The following SLC39A14 variants were observed in gnomAD, a reference collection of about 807,000 sequenced individuals.
SLC39A14 encodes the protein metal cation symporter ZIP14.
In SLC39A14, 19 loss-of-function variants were observed where a neutral mutation model predicts 45.5. The observed-to-expected ratio is 0.42, with a 90% confidence interval of 0.29 to 0.61. SLC39A14 has a LOEUF of 0.61. SLC39A14 is among the 20% of genes least tolerant of loss of function. SLC39A14 has a pLI of 0.22. For missense variants in SLC39A14, 447 were observed against 616.5 expected, an observed-to-expected ratio of 0.73 and a Z score of 2.91; for synonymous variants, 264 against 251.3, an observed-to-expected ratio of 1.05 and a Z score of -0.48.
At position 22,421,882 on chromosome 8, in the gene SLC39A14, C is replaced by T. The variant is rs1836247477; in HGVS notation, c.*2184C>T. The T allele has an allele frequency of 6.1e-6, 6 of 985,182 alleles. No homozygotes were observed. The highest frequency in any genetic ancestry group is 7.2e-6 in the Non-Finnish European group (6 of 829,860). The allele number at this position is 985,182 out of a possible 1,614,324, so 61.0% of individuals were successfully genotyped here. On this transcript the variant is annotated 3_prime_UTR_variant, in exon 9 of 9. Coordinates refer to ENST00000381237, the MANE Select transcript of SLC39A14 (RefSeq NM_001128431.4). ...GGGTGTTTTCCCTTTTTGTGCACAC[C>T]TATATTACCTTAAGAAATTTCCTTC...
intron 3 of SLC39A14, among the ~76,000 whole-genome samples, chr8:22,410,443 G>A (rs1366673037): frequency 6.6e-6 from 1 of 152,116 alleles, no homozygotes; most frequent in Non-Finnish European, 1.5e-5. Context: ...CATGCCTTTG[G>A]TGCTAAGTAC....
intron 1 of SLC39A14, among the ~76,000 whole-genome samples, chr8:22,400,906 T>C (rs1834816075): frequency 6.6e-6 from 1 of 152,266 alleles, no homozygotes; most frequent in African/African-American, 2.4e-5. Context: ...TTATAAGTCT[T>C]ATAATTATTA....
At chr8:22,430,074 G>T (rs2132402232) in intron 8 of SLC39A14, among the ~76,000 whole-genome samples, 1 of 152,230 alleles carries the variant, frequency 6.6e-6, no homozygotes, top group East Asian at 1.9e-4. Flanking sequence ...CATGAGGGAA[G>T]AAGGTTGGTG....
downstream of SLC39A14, among the ~76,000 whole-genome samples, chr8:22,425,883 G>GTTTTTT (rs72023394): frequency 0.29 from 39,504 of 137,826 alleles, 6,463 homozygotes; most frequent in East Asian, 0.54. Flanking sequence ...GCTCTAGATG[G>GTTTTTT]TTTTTGTTTT....
intron 1 of SLC39A14, among the ~76,000 whole-genome samples, chr8:22,389,147 A>T (rs994288018): frequency 6.6e-6 from 1 of 152,126 alleles, no homozygotes; most frequent in Non-Finnish European, 1.5e-5. Context: ...TAGCCCTCCG[A>T]CTTCAGTGTG....
chr8:22,407,391 C>T (rs1163243492), intron 2 of SLC39A14, among the ~76,000 whole-genome samples: 3 of 152,134 alleles, frequency 2.0e-5, no homozygotes, highest in Admixed American at 6.6e-5. Context: ...GATGGAGTCT[C>T]GTTCTGTTGC....
At chr8:22,401,637 T>C (rs1269711371) in intron 1 of SLC39A14, among the ~76,000 whole-genome samples, 7 of 135,892 alleles carry the variant, frequency 5.2e-5, no homozygotes, top group African/African-American at 1.9e-4. Flanking sequence ...AAGCTCCACC[T>C]CCTGGGTTCA....
Position 22,367,324 on chromosome 8 carries a change from A to G in SLC39A14, c.-100A>G, listed in dbSNP as rs1832689573. On this transcript the variant is annotated 5_prime_UTR_variant, in exon 1 of 9. Transcript: ENST00000381237. The surrounding 1 kb of genome is among the most constrained non-coding windows in gnomAD (Gnocchi z 4.2). ...TCGGCGCGCGTGTCTACGCGGACGCACCGGCTAAGCTGCTTCTGCCGCCGC... is the reference window on the plus strand; with the variant it reads ...TCGGCGCGCGTGTCTACGCGGACGCGCCGGCTAAGCTGCTTCTGCCGCCGC... 6.6e-6 allele frequency: 1 copy of G among 151,854 alleles called. No individual in the cohort carries two copies. The highest frequency in any genetic ancestry group is 3.4e-3 in the Middle Eastern group (1 of 294). The allele number at this position is 151,854 out of a possible 1,614,324, so 9.4% of individuals were successfully genotyped here.
In SLC39A14 at chr8:22,416,063, T is replaced by C. The variant is rs1384148606; in HGVS notation, c.940-10T>C. On this transcript the variant is annotated splice_polypyrimidine_tract_variant and intron_variant, in intron 6 of 8. Coordinates refer to ENST00000381237, the MANE Select transcript of SLC39A14 (RefSeq NM_001128431.4). The stretch of plus-strand genomic sequence containing the variant: ...GACGCTGTGGGCCCTGGGGGTGTGC[T>C]TTCTCCTAGGACCTGCAGGCTTCCC... The C allele has an allele frequency of 6.2e-7, 1 of 1,613,730 alleles. No individual in the cohort carries two copies. The highest frequency in any genetic ancestry group is 1.7e-5 in the Admixed American group (1 of 60,010).
At chr8:22,370,843 G>A (rs780776622) in intron 1 of SLC39A14, among the ~76,000 whole-genome samples, 4 of 152,158 alleles carry the variant, frequency 2.6e-5, no homozygotes, top group South Asian at 4.1e-4. Flanking sequence ...GGGACTCACC[G>A]GGTGTCTGCA....
chr8:22,405,859 A>G (rs1267634502), intron 2 of SLC39A14, among the ~76,000 whole-genome samples: 1 of 152,202 alleles, frequency 6.6e-6, no homozygotes, highest in African/African-American at 2.4e-5. Flanking sequence ...GTGGCAGCCA[A>G]ATATAAGTCA....
At chr8:22,370,803 C>T (rs1243034809) in intron 1 of SLC39A14, among the ~76,000 whole-genome samples, 1 of 152,124 alleles carries the variant, frequency 6.6e-6, no homozygotes, top group Non-Finnish European at 1.5e-5. Flanking sequence ...GGGGAGTGAG[C>T]AGGGAAGGGA....
At chr8:22,382,508 C>CA (rs1288533060) in intron 1 of SLC39A14, among the ~76,000 whole-genome samples, 1 of 151,166 alleles carries the variant, frequency 6.6e-6, no homozygotes, top group African/African-American at 2.4e-5. Flanking sequence ...CCCATCTCTA[C>CA]AAAAAAAAGT....
rs1308116784 is a variant in SLC39A14, at chr8:22,412,202, C to T, written c.623C>T (p.Pro208Leu). 7 of 1,551,442 alleles carry T rather than the reference C, an allele frequency of 4.5e-6. No homozygotes were observed. The highest frequency in any genetic ancestry group is 3.9e-5 in the Admixed American group (2 of 50,982). The change falls in exon 4 of 9, where the codon CCG (proline) becomes CTG (leucine). Residue 208 changes from proline to leucine, a missense_variant. Pro to Leu is a moderately conservative substitution (Grantham distance 98, BLOSUM62 -3). Around this residue, in one of 2 missense-constraint regions of SLC39A14, gnomAD observed 342 missense variants for 428.1 expected, o/e 0.80. Coordinates refer to ENST00000381237, the MANE Select transcript of SLC39A14 (RefSeq NM_001128431.4). ...LYSNALFQLI[P>L]EAFGFNPLED... ...TCCAACGCCCTCTTCCAGCTCATCC[C>T]GGAGGTATGGCAAGCCAGGGCCTTC...
chr8:22,384,457 A>C (rs1021894009), intron 1 of SLC39A14, among the ~76,000 whole-genome samples: 15 of 151,910 alleles, frequency 9.9e-5, no homozygotes, highest in Admixed American at 2.0e-4. Context: ...AAAAAAAAAA[A>C]AACAACTCTG....
intron 1 of SLC39A14, among the ~76,000 whole-genome samples, chr8:22,373,820 A>G (rs1833061985): frequency 6.7e-6 from 1 of 148,314 alleles, no homozygotes; most frequent in Non-Finnish European, 1.5e-5. Flanking sequence ...GCGGGAGTGC[A>G]GTAGCGCAAT....
chr8:22,399,734 A>G (rs1382000282), intron 1 of SLC39A14, among the ~76,000 whole-genome samples: 1 of 152,248 alleles, frequency 6.6e-6, no homozygotes, highest in Non-Finnish European at 1.5e-5. Flanking sequence ...CATAGCAGCC[A>G]CCTGAGGGGC....
downstream of SLC39A14, among the ~76,000 whole-genome samples, chr8:22,424,476 G>A (rs1325587834): frequency 1.3e-5 from 2 of 152,222 alleles, no homozygotes; most frequent in East Asian, 1.9e-4. Flanking sequence ...CGTGTTGGTC[G>A]TTTAATTTGC....
chr8:22,409,846 T>C, intron 3 of SLC39A14: 3 of 1,206,976 alleles, frequency 2.5e-6, no homozygotes, highest in Non-Finnish European at 3.6e-6. Context: ...GATCTCAGTC[T>C]GCCCCATCAC....
Sources: allele counts gnomAD v4.1 joint callset (sites outside exome capture counted in the v4.1 genomes callset), GRCh38; gene constraint gnomAD v4.1.1; regional missense constraint gnomAD v4.1.1; non-coding constraint Gnocchi (gnomAD v3.1); transcripts MANE v1.5; gene names NCBI Gene and HGNC (gene_info 2026-07-23, HGNC 2026-07-21).